KIAA1217: variants seen among roughly 807,000 people sequenced by gnomAD.
The protein encoded by KIAA1217 is sickle tail protein homolog.
A neutral mutation model predicts 163.9 loss-of-function variants in KIAA1217; 88 were observed. The ratio of observed to expected loss-of-function variants is 0.54; its 90% CI spans 0.45 to 0.64. The LOEUF (loss-of-function observed/expected upper bound fraction) is 0.64, where lower values mean the gene tolerates loss of function less well. Among genes scored for constraint, KIAA1217 ranks in the 30% least tolerant of loss-of-function variants. The pLI is 0.00. For missense variants in KIAA1217, 2,372 were observed against 2,475.0 expected, an observed-to-expected ratio of 0.96 and a Z score of 0.88; for synonymous variants, 903 against 923.1, an observed-to-expected ratio of 0.98 and a Z score of 0.39.
At chr10:24,082,287 G>T (rs1055197908) in intron 2 of KIAA1217, among the ~76,000 whole-genome samples, 5 of 151,840 alleles carry the variant, frequency 3.3e-5, no homozygotes, top group African/African-American at 1.2e-4. Flanking sequence ...AGGATGTACA[G>T]GTTTGCTACA....
At chr10:24,237,217 A>T (rs140748441) in intron 2 of KIAA1217, among the ~76,000 whole-genome samples, 2 of 152,302 alleles carry the variant, frequency 1.3e-5, no homozygotes, top group African/African-American at 4.8e-5. Context: ...GCCACCTCTA[A>T]TCAACTCTTG....
At chr10:24,354,930 C>A (rs1227673107) in intron 2 of KIAA1217, among the ~76,000 whole-genome samples, 1 of 152,198 alleles carries the variant, frequency 6.6e-6, no homozygotes, top group Non-Finnish European at 1.5e-5. Context: ...AAGGAACCAC[C>A]CTCTTCTACC....
At chr10:23,963,348 G>C (rs552183187) in intron 1 of KIAA1217, among the ~76,000 whole-genome samples, 2 of 152,134 alleles carry the variant, frequency 1.3e-5, no homozygotes, top group Non-Finnish European at 2.9e-5. Flanking sequence ...TCCCACTTAT[G>C]AGTGAGAACC....
At chr10:23,767,399 G>A (rs1218872503) in intron 1 of KIAA1217, among the ~76,000 whole-genome samples, 1 of 152,152 alleles carries the variant, frequency 6.6e-6, no homozygotes, top group East Asian at 1.9e-4. Flanking sequence ...TATTCCAGAT[G>A]AGAAATTCTG....
intron 2 of KIAA1217, among the ~76,000 whole-genome samples, chr10:24,293,088 C>G (rs1291549006): frequency 6.6e-6 from 1 of 152,122 alleles, no homozygotes; most frequent in African/African-American, 2.4e-5. Flanking sequence ...TGTCGCCCAG[C>G]CAGGAGTACA....
At position 24,282,501 on chromosome 10, in the gene KIAA1217, G is replaced by A. The variant is rs150826267; in HGVS notation, c.354+62592G>A. ...CCTGTGTTTATTTATTCAATCATTC[G>A]TTTATAACAGTATAGACTCATGGAT... On this transcript the variant is annotated intron_variant, in intron 2 of 20. Coordinates refer to ENST00000376454, the MANE Select transcript of KIAA1217 (RefSeq NM_019590.5). 1.3e-3 allele frequency among the ~76,000 whole-genome samples: 193 copies of A among 152,214 alleles called. 1 individual carries two copies. Among genetic ancestry groups the A allele is most frequent in the African/African-American group, 4.5e-3 (185 of 41,534 alleles).
chr10:24,040,832 A>G (rs1486325663), intron 2 of KIAA1217, among the ~76,000 whole-genome samples: 1 of 152,208 alleles, frequency 6.6e-6, no homozygotes, highest in South Asian at 2.1e-4. Context: ...AAGACGGGCT[A>G]AGGAAAGTAT....
At chr10:24,039,975 C>G (rs1274428349) in intron 2 of KIAA1217, among the ~76,000 whole-genome samples, 2 of 152,148 alleles carry the variant, frequency 1.3e-5, no homozygotes, top group Non-Finnish European at 2.9e-5. Flanking sequence ...ATTACACTGG[C>G]TCTCCCAGAG....
intron 2 of KIAA1217, among the ~76,000 whole-genome samples, chr10:24,231,025 G>C (rs1040484779): frequency 2.0e-4 from 31 of 152,214 alleles, no homozygotes; most frequent in Non-Finnish European, 3.5e-4. Flanking sequence ...CTAAGGAAAA[G>C]AAAGACTGGA....
chr10:24,019,228 G>A (rs376144715), intron 2 of KIAA1217, among the ~76,000 whole-genome samples: 2 of 151,986 alleles, frequency 1.3e-5, no homozygotes, highest in African/African-American at 2.4e-5. Flanking sequence ...ATAAGTAGGT[G>A]AGCTGATGGA....
chr10:24,545,592 C>G, intron 20 of KIAA1217: 1 of 1,374,364 alleles, frequency 7.3e-7, no homozygotes, highest in South Asian at 1.9e-5. Context: ...AATGATGGGA[C>G]TCCTCTCACA....
rs146153569 is a variant in KIAA1217 at position 24,478,512 on chromosome 10, T to G, written c.1679+4452T>G. Among the ~76,000 whole-genome samples the G allele has an allele frequency of 4.2e-3, 645 of 152,298 alleles. 6 individuals carry two copies. The highest frequency in any genetic ancestry group is 0.015 in the African/African-American group (613 of 41,572). ...AGGGACTTTGGGGTACAGTGACAGA[T>G]CATAGCTGCTTTGACTTTCAGAACA... On this transcript the variant is annotated intron_variant, in intron 6 of 20. Transcript: ENST00000376454.
At chr10:24,200,550 A>G (rs2067209016) in intron 2 of KIAA1217, among the ~76,000 whole-genome samples, 1 of 152,188 alleles carries the variant, frequency 6.6e-6, no homozygotes, top group Non-Finnish European at 1.5e-5. Context: ...TGGGGTGACC[A>G]ACTCAACCCA....
At chr10:23,936,374 C>T (rs993300464) in intron 1 of KIAA1217, among the ~76,000 whole-genome samples, 1 of 152,102 alleles carries the variant, frequency 6.6e-6, no homozygotes, top group Non-Finnish European at 1.5e-5. Flanking sequence ...CCCCCCGGCC[C>T]CAACAAGAGA....
intron 2 of KIAA1217, among the ~76,000 whole-genome samples, chr10:24,145,226 G>C (rs929992191): frequency 2.0e-5 from 3 of 152,174 alleles, no homozygotes; most frequent in African/African-American, 7.2e-5. Context: ...AACAGGTCTT[G>C]AATTGCTCAA....
chr10:23,836,062 T>C (rs557955381), intron 1 of KIAA1217, among the ~76,000 whole-genome samples: 1 of 152,302 alleles, frequency 6.6e-6, no homozygotes, highest in South Asian at 2.1e-4. Flanking sequence ...AATGTATTTC[T>C]ATTATTCTTG....
intron 5 of KIAA1217, among the ~76,000 whole-genome samples, chr10:24,448,918 TAATC>T (rs1389433258): frequency 1.3e-5 from 2 of 152,232 alleles, no homozygotes; most frequent in African/African-American, 4.8e-5. Flanking sequence ...ATTAACTCAA[TAATC>T]AATAATGATA....
chr10:24,168,771 T>C (rs1193370188), intron 2 of KIAA1217, among the ~76,000 whole-genome samples: 10 of 152,242 alleles, frequency 6.6e-5, no homozygotes, highest in Admixed American at 6.5e-4. Flanking sequence ...TTCACACACA[T>C]TAGCCTCAAA....
At chr10:23,906,397 G>A (rs1024908016) in intron 1 of KIAA1217, among the ~76,000 whole-genome samples, 1 of 152,126 alleles carries the variant, frequency 6.6e-6, no homozygotes, top group Admixed American at 6.6e-5. Context: ...ATGTGAAATG[G>A]AATGTACTTA....
Sources: gnomAD v4.1 joint callset for allele counts (sites outside exome capture counted in the v4.1 genomes callset) on GRCh38, gnomAD v4.1.1 for gene constraint, MANE v1.5 for transcripts, NCBI Gene and HGNC (gene_info 2026-07-23, HGNC 2026-07-21) for gene names.